PAXBP1: variants seen among roughly 807,000 people sequenced by gnomAD.
The protein encoded by PAXBP1 is PAX3 and PAX7 binding protein 1.
PAXBP1 carries 44 observed loss-of-function variants against 119.9 expected under a neutral mutation model. That is an observed-to-expected ratio of 0.37 (90% CI 0.29 to 0.47). The LOEUF (loss-of-function observed/expected upper bound fraction) is 0.47, where lower values mean the gene tolerates loss of function less well. PAXBP1 is among the 20% of genes least tolerant of loss of function. The probability of loss-of-function intolerance (pLI) is 0.99; values close to 1 mark genes in which losing one functional copy is unlikely to be tolerated. For synonymous variants in PAXBP1, 393 were observed against 406.6 expected, an observed-to-expected ratio of 0.97 and a Z score of 0.40; for missense variants, 898 against 1,134.1, an observed-to-expected ratio of 0.79 and a Z score of 2.99.
At chr21:32,767,677 TTCC>T (rs369321016) in intron 2 of PAXBP1, among the ~76,000 whole-genome samples, 73 of 152,294 alleles carry the variant, frequency 4.8e-4, no homozygotes, top group African/African-American at 1.8e-3. Context: ...CCGCTTTTGC[TTCC>T]TCCTCATTTT....
At chr21:32,769,665 A>G (rs2044301249) in intron 2 of PAXBP1, 149 bp downstream of exon 2, 1 of 651,356 alleles carries the variant, frequency 1.5e-6, no homozygotes, top group South Asian at 2.2e-5. Flanking sequence ...CTGTGTTACA[A>G]TTAAATAACA....
chr21:32,734,690 AG>A lies in PAXBP1; in HGVS notation c.*259del, dbSNP rs574672047. 3.0e-4 allele frequency: 138 copies of A among 465,692 alleles called. No individual in the cohort carries two copies. The highest frequency in any genetic ancestry group is 2.5e-3 in the African/African-American group (128 of 50,808). 28.8% of individuals were successfully genotyped at this position (465,692 alleles called of 1,614,324 possible). On this transcript the variant is annotated 3_prime_UTR_variant, in exon 18 of 18. Coordinates refer to ENST00000331923, the MANE Select transcript of PAXBP1 (RefSeq NM_016631.4). The stretch of plus-strand genomic sequence containing the variant: ...CGTTTACAGGGGACAATTAACTGAG[AG>A]GGTTAATTTAAATGACCATACAAAA...
chr21:32,771,513 G>T lies in PAXBP1; in HGVS notation c.156C>A (p.Gly52=). The T allele has an allele frequency of 7.5e-7, 1 of 1,328,072 alleles. No homozygotes were observed. The highest frequency in any genetic ancestry group is 9.6e-7 in the Non-Finnish European group (1 of 1,044,978). The allele number at this position is 1,328,072 out of a possible 1,614,324, so 82.3% of individuals were successfully genotyped here. Residue 52 remains glycine (G), a synonymous_variant, in exon 1 of 18, where the codon GGC becomes GGA. Transcript: ENST00000331923. ...GCCCCGGGCCCAGCAGCGACTCCCC[G>T]CCAGGGGCCCTGTCGCCGCCACCGG... The part of the protein sequence containing the change: ...AGPGGGDRAP[G]GESLLGPGPS...
intron 6 of PAXBP1, 94 bp from the exon 7 acceptor site, chr21:32,759,363 CT>C: frequency 8.6e-7 from 1 of 1,166,460 alleles, no homozygotes; most frequent in East Asian, 2.5e-5. Flanking sequence ...TTTAGCTCCA[CT>C]ATTAGAACAT....
chr21:32,746,423 C>A (rs1211120173), intron 11 of PAXBP1, among the ~76,000 whole-genome samples: 1 of 152,018 alleles, frequency 6.6e-6, no homozygotes, highest in Non-Finnish European at 1.5e-5. Flanking sequence ...AAAAAAACAA[C>A]CCCATTAAAA....
rs569356805 is a variant in PAXBP1, at chr21:32,735,951, G to T, written c.2637-884C>A. On this transcript the variant is annotated intron_variant, in intron 17 of 17. Transcript: ENST00000331923. ...GCTTTATGTGCACTGCACAAAGCAG[G>T]TGCTTACATAGCTGTTAAAGTTCTT... Among the ~76,000 whole-genome samples, 11 of 152,342 alleles carry T rather than the reference G, an allele frequency of 7.2e-5. No homozygotes were observed. In the South Asian group the frequency reaches 2.1e-3, roughly 29 times the overall value.
chr21:32,769,529 CCTT>C (rs543245261), intron 2 of PAXBP1, among the ~76,000 whole-genome samples: 52 of 152,258 alleles, frequency 3.4e-4, no homozygotes, highest in African/African-American at 9.4e-4. Flanking sequence ...AAATGAGAAA[CCTT>C]CTTTCTCTGT....
chr21:32,768,466 G>A (rs755621510), intron 2 of PAXBP1, among the ~76,000 whole-genome samples: 23 of 152,190 alleles, frequency 1.5e-4, no homozygotes, highest in Non-Finnish European at 3.1e-4. Context: ...TTCTTCCCTT[G>A]GAATGGTTCT....
intron 3 of PAXBP1, among the ~76,000 whole-genome samples, chr21:32,763,994 CAAA>C (rs5843566): frequency 1.4e-4 from 14 of 101,700 alleles, no homozygotes; most frequent in Non-Finnish European, 1.0e-4. Context: ...CCTCAAAAAG[CAAA>C]AAAAAAAAAA....
At position 32,743,279 on chromosome 21, in the gene PAXBP1, A is replaced by T; in HGVS notation, c.2303T>A (p.Phe768Tyr). ...TGAAGACCAAAACTGTCGTTGAAAA[A>T]ACAAGTAAGGCCCAGAATTTTTATT... ...LENKNSGPYL[F>Y]FQRQFWSSVK... is the part of the protein sequence containing the mutation. Residue 768 changes from phenylalanine to tyrosine, a missense_variant, in exon 15 of 18, where the codon TTT (phenylalanine) becomes TAT (tyrosine). Phe to Tyr is a conservative substitution (Grantham distance 22, BLOSUM62 3). Coordinates refer to ENST00000331923, the MANE Select transcript of PAXBP1 (RefSeq NM_016631.4). The T allele has an allele frequency of 1.3e-6, 2 of 1,577,800 alleles. No homozygotes were observed. Among genetic ancestry groups the T allele is most frequent in the Non-Finnish European group, 1.7e-6 (2 of 1,170,070 alleles).
At chr21:32,767,559 G>A (rs2044261537) in intron 2 of PAXBP1, among the ~76,000 whole-genome samples, 1 of 152,154 alleles carries the variant, frequency 6.6e-6, no homozygotes, top group Non-Finnish European at 1.5e-5. Flanking sequence ...TACGTGTTGT[G>A]GAAGGGACCC....
At chr21:32,764,264 TA>T (rs2044200963) in intron 3 of PAXBP1, 83 bp downstream of exon 3, 1 of 1,333,798 alleles carries the variant, frequency 7.5e-7, no homozygotes, top group African/African-American at 1.5e-5. Context: ...ACCACTCAGC[TA>T]ATTCCTTCTT....
At chr21:32,769,766 A>T (rs768546924) in intron 2 of PAXBP1, 48 bp downstream of exon 2, 1 of 1,582,212 alleles carries the variant, frequency 6.3e-7, no homozygotes, top group Non-Finnish European at 8.6e-7. Context: ...TGTGAGAAAG[A>T]GCTTTCATTT....
At chr21:32,740,817 A>G (rs933604095) in intron 15 of PAXBP1, among the ~76,000 whole-genome samples, 4 of 148,898 alleles carry the variant, frequency 2.7e-5, no homozygotes, top group Admixed American at 6.7e-5. Flanking sequence ...CCACAAACTG[A>G]AAAAAAAAAA....
At chr21:32,756,063 T>C in intron 7 of PAXBP1, 1 of 207,420 alleles carries the variant, frequency 4.8e-6, no homozygotes, top group Non-Finnish European at 9.8e-6. Context: ...AAAATTTCTT[T>C]ACATGAATTG....
chr21:32,752,109 T>A (rs2043966197), intron 8 of PAXBP1: 1 of 152,262 alleles, frequency 6.6e-6, no homozygotes, highest in South Asian at 2.1e-4. Context: ...TTGGTTCTGC[T>A]GCTCAGGTTG....
At chr21:32,767,782 C>T (rs1000902213) in intron 2 of PAXBP1, among the ~76,000 whole-genome samples, 5 of 152,200 alleles carry the variant, frequency 3.3e-5, no homozygotes, top group African/African-American at 1.2e-4. Context: ...CCAATTAAAC[C>T]TCTTTTTCTT....
At position 32,738,411 on chromosome 21, in the gene PAXBP1, C is replaced by A. The variant is rs918313861; in HGVS notation, c.2335-92G>T. The A allele has an allele frequency of 1.1e-5, 11 of 1,036,914 alleles. No homozygotes were observed. In the African/African-American group the frequency reaches 1.8e-4, roughly 17 times the overall value. 64.2% of individuals were successfully genotyped at this position (1,036,914 alleles called of 1,614,324 possible). On this transcript the variant is annotated intron_variant, in intron 15 of 17. Transcript: ENST00000331923. ...TAGTAAAACACCATATGAAATACAG[C>A]AGACCATGTCTTGCCAAAGTACTAA... is the stretch of plus-strand genomic sequence containing the variant.
intron 2 of PAXBP1, among the ~76,000 whole-genome samples, chr21:32,765,384 A>G (rs1055290979): frequency 2.0e-5 from 3 of 152,206 alleles, no homozygotes; most frequent in East Asian, 1.9e-4. Context: ...CCTGGTTTAC[A>G]TTACTTACAA....
Sources: allele counts gnomAD v4.1 joint callset (sites outside exome capture counted in the v4.1 genomes callset), GRCh38; gene constraint gnomAD v4.1.1; transcripts MANE v1.5; gene names NCBI Gene and HGNC (gene_info 2026-07-23, HGNC 2026-07-21).